The following MAN2A1 variants were observed in gnomAD, a reference collection of about 807,000 sequenced individuals.
The protein encoded by MAN2A1 is mannosidase alpha class 2A member 1.
In MAN2A1, 76 loss-of-function variants were observed where a neutral mutation model predicts 142.6. That is an observed-to-expected ratio of 0.53 (90% CI 0.44 to 0.65). MAN2A1 has a LOEUF of 0.65. Among genes scored for constraint, MAN2A1 ranks in the 30% least tolerant of loss-of-function variants. The pLI, the probability that MAN2A1 is intolerant of heterozygous loss-of-function variation, is 0.00. For missense variants in MAN2A1, 1,311 were observed against 1,365.1 expected (o/e 0.96, Z 0.62); for synonymous variants, 559 against 473.2 (o/e 1.18, Z -2.35).
intron 8 of MAN2A1, among the ~76,000 whole-genome samples, chr5:109,778,372 T>A (rs1255389687): frequency 1.3e-5 from 2 of 152,114 alleles, no homozygotes; most frequent in Non-Finnish European, 2.9e-5. Context: ...TTTCTTACCA[T>A]GTACAATGGC....
chr5:109,806,304 T>A (rs1754164098), intron 12 of MAN2A1, among the ~76,000 whole-genome samples: 3 of 152,198 alleles, frequency 2.0e-5, no homozygotes, highest in African/African-American at 7.2e-5. Context: ...TTTCTATGGC[T>A]ACATAACCAT....
intron 1 of MAN2A1, among the ~76,000 whole-genome samples, chr5:109,691,051 G>A (rs1028845894): frequency 2.6e-5 from 4 of 152,216 alleles, no homozygotes; most frequent in Non-Finnish European, 4.4e-5. Context: ...TCTGAAGAGA[G>A]AGAAGTTTAT....
chr5:109,848,151 CTTTATTTGAAATCTTAGTAAAA>C (rs557552543), intron 19 of MAN2A1, among the ~76,000 whole-genome samples: 3 of 152,046 alleles, frequency 2.0e-5, no homozygotes, highest in Non-Finnish European at 4.4e-5. Flanking sequence ...ATTTGGTAAA[CTTTATTTGAAATCTTAGTAAAA>C]TTTATTTGAA....
intron 4 of MAN2A1, among the ~76,000 whole-genome samples, chr5:109,753,780 A>T (rs1029204586): frequency 6.6e-6 from 1 of 152,090 alleles, no homozygotes; most frequent in Non-Finnish European, 1.5e-5. Context: ...GCATCCAGTG[A>T]TGTATGTCCT....
intron 1 of MAN2A1, among the ~76,000 whole-genome samples, chr5:109,694,512 G>A (rs995774117): frequency 4.6e-5 from 7 of 152,028 alleles, no homozygotes; most frequent in African/African-American, 1.7e-4. Context: ...TGCCCAGCCA[G>A]TTTTAAAATT....
chr5:109,847,556 T>A (rs926934687), intron 18 of MAN2A1, 101 bp from the exon 19 acceptor site: 9 of 1,077,086 alleles, frequency 8.4e-6, no homozygotes, highest in Admixed American at 3.9e-5. Context: ...AGAGAGGAAA[T>A]TTAGAGCAAT....
At chr5:109,712,717 C>A (rs1751336407) in intron 1 of MAN2A1, among the ~76,000 whole-genome samples, 1 of 152,232 alleles carries the variant, frequency 6.6e-6, no homozygotes, top group East Asian at 1.9e-4. Flanking sequence ...AGCATACATG[C>A]CTGACACAGT....
intron 12 of MAN2A1, among the ~76,000 whole-genome samples, chr5:109,793,560 A>G (rs1302833629): frequency 6.6e-6 from 1 of 152,090 alleles, no homozygotes; most frequent in Non-Finnish European, 1.5e-5. Context: ...CTTTGGTCTC[A>G]TATTTGGAGG....
At chr5:109,758,710 T>C (rs1752757954) in intron 5 of MAN2A1, among the ~76,000 whole-genome samples, 1 of 148,698 alleles carries the variant, frequency 6.7e-6, no homozygotes, top group African/African-American at 2.4e-5. Context: ...TAATAGTTAA[T>C]ATAACTATTA....
intron 3 of MAN2A1, 138 bp downstream of exon 3, chr5:109,716,402 T>G: frequency 1.6e-6 from 1 of 609,556 alleles, no homozygotes; most frequent in Non-Finnish European, 2.8e-6. Context: ...TATATTCCTT[T>G]TATGTGTCAT....
rs755280939 is a variant in MAN2A1, at chr5:109,842,399, A to G, written c.2638A>G (p.Met880Val). 5.0e-6 allele frequency: 8 copies of G among 1,587,448 alleles called. No individual in the cohort carries two copies. Among genetic ancestry groups the G allele is most frequent in the Non-Finnish European group, 5.2e-6 (6 of 1,157,442 alleles). ...IRKVYNREIA[M>V]KISSDIKSQN... ...AAAAGTATATAACCGTGAGATTGCA[A>G]TGAAAATTTCTTCTGATATAAAAAG... is the stretch of plus-strand genomic sequence containing the variant. The change falls in exon 17 of 22, where the codon ATG becomes GTG. Residue 880 changes from methionine (M) to valine (V), a missense_variant. Around this residue, in one of 3 missense-constraint regions of MAN2A1, gnomAD observed 890 missense variants for 920.5 expected, o/e 0.97. Coordinates refer to ENST00000261483, the MANE Select transcript of MAN2A1 (RefSeq NM_002372.4).
intron 19 of MAN2A1, chr5:109,853,559 G>A (rs1256671270): frequency 6.6e-6 from 1 of 152,184 alleles, no homozygotes; most frequent in African/African-American, 2.4e-5. Flanking sequence ...CAAGAGTGTG[G>A]AACAAAGCCA....
chr5:109,759,943 GTTGC>G (rs1482953151), intron 5 of MAN2A1, among the ~76,000 whole-genome samples: 1 of 66,138 alleles, frequency 1.5e-5, no homozygotes, highest in Non-Finnish European at 2.6e-5. Flanking sequence ...TATTTGAATT[GTTGC>G]TATATATATA....
Position 109,705,321 on chromosome 5 carries a change from T to G in MAN2A1, c.136-8199T>G, listed in dbSNP as rs193202224. Among the ~76,000 whole-genome samples, 530 of 152,308 alleles carry G rather than the reference T, an allele frequency of 3.5e-3. 2 individuals carry two copies. Among genetic ancestry groups the G allele is most frequent in the Non-Finnish European group, 5.6e-3 (380 of 68,020 alleles). ...ATTGATTCTAAAACTCAGTCTAAGA[T>G]AAAGATGTTGATGCTGCTTTTTCTG... On this transcript the variant is annotated intron_variant, in intron 1 of 21. Coordinates refer to ENST00000261483, the MANE Select transcript of MAN2A1 (RefSeq NM_002372.4).
intron 1 of MAN2A1, among the ~76,000 whole-genome samples, chr5:109,713,318 G>A (rs1751354648): frequency 6.6e-6 from 1 of 152,090 alleles, no homozygotes; most frequent in African/African-American, 2.4e-5. Context: ...GATTGCAGCC[G>A]CGGAGAAGAT....
chr5:109,697,780 A>G (rs985286233), intron 1 of MAN2A1, among the ~76,000 whole-genome samples: 1 of 152,244 alleles, frequency 6.6e-6, no homozygotes, highest in Non-Finnish European at 1.5e-5. Context: ...GGCAAATAGT[A>G]TTGTTAGATC....
At chr5:109,774,657 A>G in intron 7 of MAN2A1, 131 bp from the exon 8 acceptor site, 2 of 657,162 alleles carry the variant, frequency 3.0e-6, no homozygotes, top group Non-Finnish European at 2.5e-6. Context: ...TTGCAGATAG[A>G]TAAAATATAC....
intron 12 of MAN2A1, among the ~76,000 whole-genome samples, chr5:109,796,816 T>C (rs1002240389): frequency 6.6e-6 from 1 of 152,304 alleles, no homozygotes; most frequent in African/African-American, 2.4e-5. Flanking sequence ...GAGCCTATTA[T>C]TCACCCACTC....
rs997003318 is a variant in MAN2A1 at position 109,690,153 on chromosome 5, G to GC, written c.-259dup. The GC allele has an allele frequency of 2.3e-5, 10 of 430,964 alleles. No homozygotes were observed. Among genetic ancestry groups the GC allele is most frequent in the African/African-American group, 4.1e-5 (2 of 48,840 alleles). 26.7% of individuals were successfully genotyped at this position (430,964 alleles called of 1,614,324 possible). A position where few individuals can be genotyped will look rare whatever the true frequency, so the allele number is the denominator to read the frequency against. ...TGAGCTTGCGATCAAGTTTGTGGGG[G>GC]CCCCCCTTCCCAGTTGCCGGCGAGT... On this transcript the variant is annotated 5_prime_UTR_variant, in exon 1 of 22. Coordinates refer to ENST00000261483, the MANE Select transcript of MAN2A1 (RefSeq NM_002372.4).
Sources: gnomAD v4.1 joint callset for allele counts (sites outside exome capture counted in the v4.1 genomes callset) on GRCh38, gnomAD v4.1.1 for gene constraint, gnomAD v4.1.1 regional missense constraint, MANE v1.5 for transcripts, NCBI Gene and HGNC (gene_info 2026-07-23, HGNC 2026-07-21) for gene names.